The following IRAK2 variants were observed in gnomAD, a reference collection of about 807,000 sequenced individuals.
The protein encoded by IRAK2 is interleukin 1 receptor associated kinase 2, also known as interleukin-1 receptor-associated kinase-like 2.
IRAK2 carries 57 observed loss-of-function variants against 72.0 expected under a neutral mutation model. The observed-to-expected ratio is 0.79, with a 90% CI of 0.64 to 0.99. The LOEUF (loss-of-function observed/expected upper bound fraction) is 0.99, where lower values mean the gene tolerates loss of function less well. IRAK2 is among the 50% of genes least tolerant of loss of function. IRAK2 has a pLI of 0.00. For synonymous variants in IRAK2, 293 were observed against 312.7 expected, an observed-to-expected ratio of 0.94 and a Z score of 0.67; for missense variants, 790 against 794.4, an observed-to-expected ratio of 0.99 and a Z score of 0.07.
At position 10,241,566 on chromosome 3, in the gene IRAK2, G is replaced by GATAA. The variant is rs61019391; in HGVS notation, c.1766-527_1766-524dup. Among the ~76,000 whole-genome samples the GATAA allele has an allele frequency of 3.6e-3, 474 of 131,818 alleles. 4 individuals carry two copies. The highest frequency in any genetic ancestry group is 0.011 in the African/African-American group (392 of 34,120). The allele number at this position is 131,818 out of a possible 152,430, so 86.5% of individuals were successfully genotyped here. ...AGAGTGAGACTCCATCTCAACAAAT[G>GATAA]ATAAATAAATAAATAAATAAATAAA... is the stretch of plus-strand genomic sequence containing the variant. On this transcript the variant is annotated intron_variant, in intron 12 of 12. Transcript: ENST00000256458.
chr3:10,240,599 G>C (rs1483358324), intron 12 of IRAK2, among the ~76,000 whole-genome samples: 1 of 106,158 alleles, frequency 9.4e-6, no homozygotes, highest in Non-Finnish European at 1.7e-5. Flanking sequence ...CACTCTTGTT[G>C]CCCAGGCTGG....
intron 2 of IRAK2, among the ~76,000 whole-genome samples, chr3:10,198,824 T>C (rs2125150971): frequency 6.6e-6 from 1 of 152,232 alleles, no homozygotes; most frequent in African/African-American, 2.4e-5. Flanking sequence ...TGACATCCCC[T>C]GTGTCATGCT....
chr3:10,208,448 CCAT>C (rs922758155), intron 3 of IRAK2, among the ~76,000 whole-genome samples: 1 of 138,804 alleles, frequency 7.2e-6, no homozygotes, highest in African/African-American at 3.2e-5. Context: ...GTGTACACCA[CCAT>C]ACCTGGCTAT....
At chr3:10,234,325 C>G (rs766426627) in intron 10 of IRAK2, 134 bp from the exon 11 acceptor site, 1 of 680,774 alleles carries the variant, frequency 1.5e-6, no homozygotes, top group Admixed American at 2.5e-5. Context: ...TTTCTGGAAT[C>G]CTTGCATTTA....
In IRAK2 at chr3:10,212,444, C is replaced by T. The variant is rs539426627; in HGVS notation, c.529-763C>T. On this transcript the variant is annotated intron_variant, in intron 4 of 12. Coordinates refer to ENST00000256458, the MANE Select transcript of IRAK2 (RefSeq NM_001570.4). ...GGTTATATGAACCTGTATCCTACTT[C>T]CCAGGAGTCTGGAACCCCAGTATCT... 2.6e-5 allele frequency among the ~76,000 whole-genome samples: 4 copies of T among 152,242 alleles called. 1 individual carries two copies. Among genetic ancestry groups the T allele is most frequent in the African/African-American group, 9.6e-5 (4 of 41,546 alleles).
At chr3:10,217,967 T>C (rs534584935) in intron 7 of IRAK2, among the ~76,000 whole-genome samples, 14 of 152,280 alleles carry the variant, frequency 9.2e-5, no homozygotes, top group African/African-American at 3.4e-4. Flanking sequence ...CTCTGACACA[T>C]AGAGACAAAG....
chr3:10,173,317 A>G (rs966451520), intron 1 of IRAK2, among the ~76,000 whole-genome samples: 2 of 152,172 alleles, frequency 1.3e-5, no homozygotes, highest in African/African-American at 4.8e-5. Context: ...TCTGTAGAAA[A>G]AGTCTGGAAG....
At chr3:10,195,044 G>T (rs1005697929) in intron 2 of IRAK2, among the ~76,000 whole-genome samples, 2 of 152,130 alleles carry the variant, frequency 1.3e-5, no homozygotes, top group Non-Finnish European at 2.9e-5. Flanking sequence ...AATGCCCTGT[G>T]GTGCCAGGTG....
At chr3:10,230,618 A>G (rs2125163272) in intron 10 of IRAK2, among the ~76,000 whole-genome samples, 1 of 152,318 alleles carries the variant, frequency 6.6e-6, no homozygotes, top group South Asian at 2.1e-4. Flanking sequence ...CACCCTGGCT[A>G]GTATGTAGTG....
rs1462877766 is a variant in IRAK2 at position 10,216,994 on chromosome 3, C to T, written c.849C>T (p.Ser283=). 1 of 1,614,038 alleles carries T rather than the reference C, an allele frequency of 6.2e-7. No homozygotes were observed. Among genetic ancestry groups the T allele is most frequent in the Non-Finnish European group, 8.5e-7 (1 of 1,180,014 alleles). The change falls in exon 7 of 13, where the codon AGC becomes AGT. Residue 283 remains serine (S), a synonymous_variant. Transcript: ENST00000256458. ...LGFCAARQFH[S]FIYPYMANGS... Reference sequence around the variant, plus strand: ...TCTGTGCTGCAAGACAGTTTCACAGCTTCATCTACCCCTACATGGCAAATG... The same window carrying T: ...TCTGTGCTGCAAGACAGTTTCACAGTTTCATCTACCCCTACATGGCAAATG...
Position 10,164,976 on chromosome 3 carries a change from C to T in IRAK2, c.22C>T (p.Leu8=), listed in dbSNP as rs755429241. Residue 8 remains leucine, a synonymous_variant, in exon 1 of 13, where the codon CTG becomes TTG. Transcript: ENST00000256458. MACYIYQ[L]PSWVLDDLCR... ...TGCCATGGCCTGCTACATCTACCAG[C>T]TGCCCTCCTGGGTGCTGGACGACCT... 1 of 1,611,318 alleles carries T rather than the reference C, an allele frequency of 6.2e-7. No individual in the cohort carries two copies. Among genetic ancestry groups the T allele is most frequent in the South Asian group, 1.1e-5 (1 of 90,924 alleles).
At chr3:10,192,255 A>T (rs950842381) in intron 2 of IRAK2, among the ~76,000 whole-genome samples, 1 of 152,206 alleles carries the variant, frequency 6.6e-6, no homozygotes, top group African/African-American at 2.4e-5. Context: ...CAGCCTAAGA[A>T]CAAATTACTG....
At position 10,238,923 on chromosome 3, in the gene IRAK2, G is replaced by C; in HGVS notation, c.1649G>C (p.Gly550Ala). 1 of 1,614,068 alleles carries C rather than the reference G, an allele frequency of 6.2e-7. No individual in the cohort carries two copies. The highest frequency in any genetic ancestry group is 8.5e-7 in the Non-Finnish European group (1 of 1,180,004). The change falls in exon 12 of 13, where the codon GGG (glycine) becomes GCG (alanine). Residue 550 changes from glycine (G) to alanine (A), a missense_variant. By Grantham distance (60) the Gly-to-Ala change is moderately conservative. Transcript: ENST00000256458. ...TCCATGAGTGTGGCACCCTGGGCAG[G>C]GGCTGCCACCCCACTTCTCCCCACA... ...SSSMSVAPWAGAATPLLPTEN... is the reference protein window; with the variant it reads ...SSSMSVAPWAAAATPLLPTEN...
chr3:10,191,936 AG>A (rs1367923444), intron 2 of IRAK2, among the ~76,000 whole-genome samples: 1 of 152,156 alleles, frequency 6.6e-6, no homozygotes, highest in Non-Finnish European at 1.5e-5. Context: ...GTGGAGTACA[AG>A]TTCAGTGGAG....
intron 3 of IRAK2, among the ~76,000 whole-genome samples, chr3:10,209,303 A>G (rs1370090861): frequency 1.3e-5 from 2 of 152,146 alleles, no homozygotes; most frequent in African/African-American, 2.4e-5. Context: ...CGGCTCTACC[A>G]TCTACTGGCT....
chr3:10,177,180 C>G (rs11465858), intron 1 of IRAK2, among the ~76,000 whole-genome samples: 38 of 152,232 alleles, frequency 2.5e-4, no homozygotes, highest in Non-Finnish European at 2.1e-4. Context: ...CCAGCAATCC[C>G]TCCTTGGTCT....
chr3:10,217,358 A>T (rs913854202), intron 7 of IRAK2, among the ~76,000 whole-genome samples: 9 of 152,206 alleles, frequency 5.9e-5, no homozygotes, highest in Non-Finnish European at 1.2e-4. Flanking sequence ...ATCTATAAAA[A>T]ATTATTTGAC....
chr3:10,214,450 T>G (rs1340972776), intron 6 of IRAK2, among the ~76,000 whole-genome samples: 1 of 146,104 alleles, frequency 6.8e-6, no homozygotes, highest in Non-Finnish European at 1.5e-5. Context: ...AGGCTGGTGT[T>G]GAGCTCCCGG....
At chr3:10,219,626 G>C in intron 7 of IRAK2, 54 bp from the exon 8 acceptor site, 7 of 1,394,456 alleles carry the variant, frequency 5.0e-6, no homozygotes, top group Non-Finnish European at 7.1e-6. Flanking sequence ...CTGCCATCAG[G>C]ACTTTAAAAA....
Sources: gnomAD v4.1 joint callset for allele counts (sites outside exome capture counted in the v4.1 genomes callset) on GRCh38, gnomAD v4.1.1 for gene constraint, MANE v1.5 for transcripts, NCBI Gene and HGNC (gene_info 2026-07-23, HGNC 2026-07-21) for gene names.